Variants in DAB1 observed in about 807,000 individuals in gnomAD.
DAB1 encodes the protein disabled homolog 1.
Under a neutral mutation model 64.6 loss-of-function variants are expected in DAB1, and 15 were observed. The ratio of observed to expected loss-of-function variants is 0.23; its 90% CI spans 0.16 to 0.36. DAB1 has a LOEUF of 0.36. DAB1 is among the 10% of genes least tolerant of loss of function. DAB1 has a pLI of 1.00. For missense variants in DAB1, 596 were observed against 706.7 expected, an observed-to-expected ratio of 0.84 and a Z score of 1.78; for synonymous variants, 235 against 251.9, an observed-to-expected ratio of 0.93 and a Z score of 0.64.
intron 7 of DAB1, among the ~76,000 whole-genome samples, chr1:57,581,165 A>G (rs1180556587): frequency 6.6e-6 from 1 of 152,228 alleles, no homozygotes; most frequent in Non-Finnish European, 1.5e-5. Context: ...TCACTTTAAG[A>G]AATCAAGACA....
chr1:57,608,280 C>T (rs936662766), intron 7 of DAB1, among the ~76,000 whole-genome samples: 1 of 152,070 alleles, frequency 6.6e-6, no homozygotes, highest in African/African-American at 2.4e-5. Context: ...TAAGTGTCTT[C>T]AGCTGAAAAG....
rs115453349 is a variant in DAB1, at chr1:58,498,580, C to A, written n.257+7480G>T. Reference sequence around the variant, plus strand: ...TTTAAAAGACAGAAAAGAAATACAACAAGGATAATGCCTATATGGCTACTT... The same window carrying A: ...TTTAAAAGACAGAAAAGAAATACAAAAAGGATAATGCCTATATGGCTACTT... On this transcript the variant is annotated intron_variant and non_coding_transcript_variant, in intron 3 of 20. Transcript: ENST00000485760. Among the ~76,000 whole-genome samples the A allele has an allele frequency of 4.3e-3, 647 of 152,226 alleles. 6 individuals are homozygous for A. Among genetic ancestry groups the A allele is most frequent in the African/African-American group, 0.015 (618 of 41,554 alleles).
intron 6 of DAB1, among the ~76,000 whole-genome samples, chr1:57,661,497 C>G (rs1432899417): frequency 2.0e-5 from 3 of 152,144 alleles, no homozygotes; most frequent in Non-Finnish European, 4.4e-5. Context: ...AATGATTTCA[C>G]CCAAGGGGTC....
At chr1:57,533,577 A>C (rs1644691266) in intron 7 of DAB1, among the ~76,000 whole-genome samples, 1 of 149,872 alleles carries the variant, frequency 6.7e-6, no homozygotes, top group South Asian at 2.1e-4. Flanking sequence ...GTATATATGT[A>C]GGCACACACA....
chr1:57,579,645 A>C (rs1322541215), intron 7 of DAB1, among the ~76,000 whole-genome samples: 1 of 152,176 alleles, frequency 6.6e-6, no homozygotes, highest in Non-Finnish European at 1.5e-5. Flanking sequence ...GTTAAAATTC[A>C]GACTCCCTAG....
At chr1:57,276,185 A>G (rs1671444396) in intron 2 of DAB1, among the ~76,000 whole-genome samples, 1 of 152,266 alleles carries the variant, frequency 6.6e-6, no homozygotes, top group African/African-American at 2.4e-5. Flanking sequence ...GGAGAAAAAT[A>G]CTGAAAGAAA....
chr1:57,377,534 C>T (rs750543650), intron 1 of DAB1, among the ~76,000 whole-genome samples: 1 of 152,166 alleles, frequency 6.6e-6, no homozygotes, highest in African/African-American at 2.4e-5. Context: ...TGTATATAGT[C>T]TTCAGCTCCT....
intron 1 of DAB1, among the ~76,000 whole-genome samples, chr1:58,544,309 G>C (rs11207252): frequency 0.65 from 98,782 of 152,000 alleles, 34,193 homozygotes; most frequent in East Asian, 0.94. Context: ...CTAAATGCTA[G>C]GCACCATAAT....
At chr1:57,763,433 T>C (rs1466047162) in intron 6 of DAB1, among the ~76,000 whole-genome samples, 8 of 152,228 alleles carry the variant, frequency 5.3e-5, no homozygotes, top group African/African-American at 1.4e-4. Flanking sequence ...ACCCCAACAC[T>C]TTTTGGGGCT....
At chr1:57,786,559 A>G (rs1257367998) in intron 6 of DAB1, among the ~76,000 whole-genome samples, 1 of 152,198 alleles carries the variant, frequency 6.6e-6, no homozygotes, top group Non-Finnish European at 1.5e-5. Flanking sequence ...ATATGTTTTG[A>G]GTTATTTCTA....
chr1:57,761,816 G>A (rs1649102169), intron 6 of DAB1, among the ~76,000 whole-genome samples: 2 of 152,292 alleles, frequency 1.3e-5, no homozygotes, highest in East Asian at 3.9e-4. Context: ...AAGCACTCTT[G>A]AGAACAGGAA....
intron 1 of DAB1, among the ~76,000 whole-genome samples, chr1:57,301,509 C>G (rs891298818): frequency 2.0e-5 from 3 of 152,194 alleles, no homozygotes; most frequent in Non-Finnish European, 4.4e-5. Flanking sequence ...GTAACACGAA[C>G]TATTGCTATT....
At chr1:57,631,618 GAAGTACATTA>G (rs1378228558) in intron 7 of DAB1, among the ~76,000 whole-genome samples, 1 of 152,066 alleles carries the variant, frequency 6.6e-6, no homozygotes. Flanking sequence ...TTTTGTATTT[GAAGTACATTA>G]AATAGCTTTG....
intron 7 of DAB1, among the ~76,000 whole-genome samples, chr1:57,636,097 A>AG: frequency 1.8e-5 from 1 of 54,800 alleles, no homozygotes. Flanking sequence ...ACACGGTCTC[A>AG]AAAAAAAAAA....
At chr1:57,809,494 T>C (rs1048540221) in intron 6 of DAB1, among the ~76,000 whole-genome samples, 5 of 152,220 alleles carry the variant, frequency 3.3e-5, no homozygotes, top group Non-Finnish European at 7.3e-5. Flanking sequence ...AACTAAGATC[T>C]TTCTGATTTC....
chr1:58,448,027 C>T (rs1645091142), intron 3 of DAB1, among the ~76,000 whole-genome samples: 1 of 152,192 alleles, frequency 6.6e-6, no homozygotes, highest in East Asian at 1.9e-4. Flanking sequence ...CAGCCTCATG[C>T]AATGGCTAAC....
chr1:57,956,420 G>C (rs978253901), intron 5 of DAB1, among the ~76,000 whole-genome samples: 1 of 152,190 alleles, frequency 6.6e-6, no homozygotes, highest in Non-Finnish European at 1.5e-5. Flanking sequence ...AAACCAAGGT[G>C]AGCCCACTGG....
intron 1 of DAB1, among the ~76,000 whole-genome samples, chr1:57,870,984 C>G (rs141509247): frequency 6.6e-6 from 1 of 152,292 alleles, no homozygotes; most frequent in East Asian, 1.9e-4. Flanking sequence ...CACCCCAAAA[C>G]AGTAAACCAT....
intron 3 of DAB1, among the ~76,000 whole-genome samples, chr1:58,443,018 C>T (rs1199213944): frequency 2.6e-5 from 4 of 152,164 alleles, no homozygotes; most frequent in African/African-American, 7.2e-5. Context: ...TTCTAAGAAC[C>T]TCAGAAGCCA....
Sources: gnomAD v4.1 joint callset for allele counts (sites outside exome capture counted in the v4.1 genomes callset) on GRCh38, gnomAD v4.1.1 for gene constraint, MANE v1.5 for transcripts, NCBI Gene and HGNC (gene_info 2026-07-23, HGNC 2026-07-21) for gene names.